CACNB4: variants seen among roughly 807,000 people sequenced by gnomAD.
CACNB4 encodes the protein calcium voltage-gated channel auxiliary subunit beta 4.
Under a neutral mutation model 71.2 loss-of-function variants are expected in CACNB4, and 32 were observed. The observed-to-expected ratio is 0.45, with a 90% CI of 0.34 to 0.60. The LOEUF (loss-of-function observed/expected upper bound fraction) is 0.60. Among genes scored for constraint, CACNB4 ranks in the 20% least tolerant of loss-of-function variants. CACNB4 has a pLI of 0.01. For missense variants in CACNB4, 464 were observed against 647.9 expected (o/e 0.72, Z 3.08); for synonymous variants, 231 against 236.9 (o/e 0.97, Z 0.23).
chr2:151,973,818 C>CT (rs2151737652), intron 2 of CACNB4: 2 of 1,521,800 alleles, frequency 1.3e-6, no homozygotes, highest in East Asian at 4.9e-5. Context: ...AGAACTGCGC[C>CT]TGCCTTATCA....
intron 2 of CACNB4, among the ~76,000 whole-genome samples, chr2:152,005,323 A>G (rs933426447): frequency 2.0e-5 from 3 of 152,220 alleles, no homozygotes; most frequent in Non-Finnish European, 4.4e-5. Flanking sequence ...CATATACATC[A>G]GGGAATACTA....
intron 2 of CACNB4, among the ~76,000 whole-genome samples, chr2:151,923,393 C>T (rs1039910090): frequency 6.6e-6 from 1 of 152,208 alleles, no homozygotes; most frequent in Non-Finnish European, 1.5e-5. Context: ...GGATCTCTCA[C>T]CTGCTAGCTT....
At chr2:152,081,221 A>G (rs1028487932) in intron 2 of CACNB4, among the ~76,000 whole-genome samples, 6 of 152,240 alleles carry the variant, frequency 3.9e-5, no homozygotes, top group African/African-American at 1.4e-4. Context: ...AAGGATGAGA[A>G]GGAAAATAGT....
chr2:151,933,600 T>G (rs2099862167), intron 2 of CACNB4, among the ~76,000 whole-genome samples: 1 of 152,054 alleles, frequency 6.6e-6, no homozygotes, highest in Admixed American at 6.6e-5. Flanking sequence ...CTGAGCAACA[T>G]CAAGTCTTCT....
intron 2 of CACNB4, among the ~76,000 whole-genome samples, chr2:151,900,010 G>T (rs1350748313): frequency 6.6e-6 from 1 of 152,168 alleles, no homozygotes; most frequent in African/African-American, 2.4e-5. Flanking sequence ...GATTAATTCT[G>T]TTTTGGGGGA....
intron 2 of CACNB4, among the ~76,000 whole-genome samples, chr2:151,996,409 C>T (rs988339095): frequency 6.6e-6 from 1 of 150,522 alleles, no homozygotes; most frequent in African/African-American, 2.4e-5. Flanking sequence ...GAGAACTCAT[C>T]GGGGCTGCAG....
At chr2:151,985,791 C>T (rs1560110094) in intron 2 of CACNB4, among the ~76,000 whole-genome samples, 1 of 151,702 alleles carries the variant, frequency 6.6e-6, no homozygotes, top group South Asian at 2.1e-4. Flanking sequence ...ATCTAAATAA[C>T]AGAGACTGTG....
chr2:151,850,873 T>C (rs1315430217), intron 12 of CACNB4: 1 of 152,184 alleles, frequency 6.6e-6, no homozygotes, highest in Admixed American at 6.5e-5. Flanking sequence ...ATATTATAAA[T>C]AATATAGTCT....
intron 2 of CACNB4, among the ~76,000 whole-genome samples, chr2:151,918,235 A>G (rs900341062): frequency 6.6e-6 from 1 of 152,224 alleles, no homozygotes; most frequent in African/African-American, 2.4e-5. Context: ...TTCAGCATTG[A>G]TTGAAGTCTA....
intron 2 of CACNB4, among the ~76,000 whole-genome samples, chr2:151,910,403 C>G (rs1414959024): frequency 6.6e-6 from 1 of 152,094 alleles, no homozygotes; most frequent in Non-Finnish European, 1.5e-5. Flanking sequence ...ATGGAACTGC[C>G]TAGGTTTTCT....
intron 4 of CACNB4, among the ~76,000 whole-genome samples, chr2:151,877,778 G>C (rs1026605467): frequency 1.3e-5 from 2 of 152,206 alleles, no homozygotes; most frequent in African/African-American, 4.8e-5. Flanking sequence ...AGGAACTCCA[G>C]AATTTCCATT....
intron 2 of CACNB4, among the ~76,000 whole-genome samples, chr2:151,986,131 G>C (rs1681356668): frequency 6.6e-6 from 1 of 152,120 alleles, no homozygotes; most frequent in African/African-American, 2.4e-5. Flanking sequence ...CTACGGTACT[G>C]ACCTTACATC....
chr2:151,910,012 G>A (rs561169046), intron 2 of CACNB4, among the ~76,000 whole-genome samples: 14 of 152,238 alleles, frequency 9.2e-5, no homozygotes, highest in South Asian at 4.1e-4. Flanking sequence ...GTGTAAAAGC[G>A]TTCCTATTTC....
intron 2 of CACNB4, among the ~76,000 whole-genome samples, chr2:151,928,859 C>T (rs936156131): frequency 6.6e-6 from 1 of 150,808 alleles, no homozygotes; most frequent in African/African-American, 2.5e-5. Flanking sequence ...TTGCAATGAG[C>T]TGAGATTGTG....
chr2:151,918,769 T>C (rs2099858190), intron 2 of CACNB4, among the ~76,000 whole-genome samples: 1 of 152,252 alleles, frequency 6.6e-6, no homozygotes, highest in Non-Finnish European at 1.5e-5. Context: ...TGTGTAGCAT[T>C]AGCACTGCAT....
chr2:151,950,419 AC>A (rs1461495995), intron 2 of CACNB4, among the ~76,000 whole-genome samples: 2 of 152,326 alleles, frequency 1.3e-5, no homozygotes, highest in East Asian at 3.9e-4. Context: ...TGGCAGTTTC[AC>A]AAAAAGTTAA....
intron 2 of CACNB4, among the ~76,000 whole-genome samples, chr2:152,042,984 G>C (rs949060651): frequency 1.3e-5 from 2 of 152,236 alleles, no homozygotes; most frequent in Non-Finnish European, 2.9e-5. Flanking sequence ...CAATGCATTA[G>C]CGTGCTAAAA....
At chr2:151,865,361 A>T (rs1025759990) in intron 9 of CACNB4, among the ~76,000 whole-genome samples, 4 of 152,084 alleles carry the variant, frequency 2.6e-5, no homozygotes, top group African/African-American at 9.7e-5. Context: ...AGCATCCTTT[A>T]GCTTGAGATC....
chr2:151,998,011 GA>G lies in CACNB4; in HGVS notation c.147+100318del, dbSNP rs527472838. Among the ~76,000 whole-genome samples, 581 of 152,210 alleles carry G rather than the reference GA, an allele frequency of 3.8e-3. 3 individuals carry two copies. Among genetic ancestry groups the G allele is most frequent in the African/African-American group, 0.014 (563 of 41,510 alleles). On this transcript the variant is annotated intron_variant, in intron 2 of 13. Transcript: ENST00000539935. ...ATCCCGAAGTCTACTCTACCTTCCA[GA>G]AATGAATGTTTATCAAAAAGTTGAA...
Sources: allele counts gnomAD v4.1 joint callset (sites outside exome capture counted in the v4.1 genomes callset), GRCh38; gene constraint gnomAD v4.1.1; transcripts MANE v1.5; gene names NCBI Gene and HGNC (gene_info 2026-07-23, HGNC 2026-07-21).